Variants in UST observed in about 807,000 individuals in gnomAD.
UST encodes chondroitin sulfate 2-O-sulfotransferase.
UST carries 21 observed loss-of-function variants against 45.6 expected under a neutral mutation model. That is an observed-to-expected ratio of 0.46 (90% CI 0.33 to 0.66). The LOEUF is 0.66. Among genes scored for constraint, UST ranks in the 30% least tolerant of loss-of-function variants. UST has a pLI of 0.02. For missense variants in UST, 463 were observed against 512.4 expected (o/e 0.90, Z 0.93); for synonymous variants, 215 against 200.6 (o/e 1.07, Z -0.61).
chr6:148,891,312 G>T (rs1054980672), intron 2 of UST, among the ~76,000 whole-genome samples: 1 of 152,078 alleles, frequency 6.6e-6, no homozygotes, highest in African/African-American at 2.4e-5. Context: ...AGTTCTGTTG[G>T]TAACAAACAG....
At chr6:148,773,966 C>G (rs1776481706) in intron 1 of UST, among the ~76,000 whole-genome samples, 1 of 152,186 alleles carries the variant, frequency 6.6e-6, no homozygotes, top group Non-Finnish European at 1.5e-5. Flanking sequence ...TCTGTCCTCC[C>G]CGACTTTATA....
At chr6:148,774,986 C>G (rs1197686668) in intron 1 of UST, among the ~76,000 whole-genome samples, 1 of 152,042 alleles carries the variant, frequency 6.6e-6, no homozygotes, top group Non-Finnish European at 1.5e-5. Context: ...CCACTACACT[C>G]CAGCCTGGAG....
chr6:148,852,190 G>A (rs1778120351), intron 1 of UST, among the ~76,000 whole-genome samples: 1 of 152,192 alleles, frequency 6.6e-6, no homozygotes, highest in South Asian at 2.1e-4. Flanking sequence ...GCAAAGCAGA[G>A]TCGGGAACAT....
intron 1 of UST, among the ~76,000 whole-genome samples, chr6:148,796,158 TTG>T (rs1296416347): frequency 1.4e-4 from 21 of 152,198 alleles, no homozygotes; most frequent in East Asian, 5.8e-4. Context: ...AGGATGAGGA[TTG>T]AGATGAGAAG....
chr6:148,984,095 T>C (rs1159250055), intron 5 of UST, among the ~76,000 whole-genome samples: 1 of 152,248 alleles, frequency 6.6e-6, no homozygotes, highest in Non-Finnish European at 1.5e-5. Context: ...CTGATTATTA[T>C]ATACATCATG....
intron 7 of UST, among the ~76,000 whole-genome samples, chr6:149,044,463 G>C (rs540819416): frequency 3.3e-5 from 5 of 152,292 alleles, no homozygotes; most frequent in African/African-American, 1.2e-4. Flanking sequence ...AATGTCAAAT[G>C]ACAGTCTGAA....
At chr6:148,770,454 A>G (rs1776402811) in intron 1 of UST, among the ~76,000 whole-genome samples, 1 of 151,702 alleles carries the variant, frequency 6.6e-6, no homozygotes, top group East Asian at 1.9e-4. Context: ...GGGGAAGGGA[A>G]GAGGGTTGCT....
intron 2 of UST, among the ~76,000 whole-genome samples, chr6:148,898,068 A>G (rs553516672): frequency 4.6e-5 from 7 of 152,318 alleles, no homozygotes; most frequent in African/African-American, 7.2e-5. Flanking sequence ...GGAAGAATCA[A>G]TTGCACTGGG....
intron 1 of UST, among the ~76,000 whole-genome samples, chr6:148,850,440 G>A (rs1177069409): frequency 1.3e-5 from 2 of 152,170 alleles, no homozygotes; most frequent in African/African-American, 4.8e-5. Flanking sequence ...TCTACGGAGA[G>A]CAAACTAATC....
At chr6:148,781,841 C>G (rs1378991366) in intron 1 of UST, among the ~76,000 whole-genome samples, 1 of 152,156 alleles carries the variant, frequency 6.6e-6, no homozygotes, top group Non-Finnish European at 1.5e-5. Context: ...GACAGCATAT[C>G]TGTTTATAGC....
chr6:148,832,339 T>C (rs1777704776), intron 1 of UST, among the ~76,000 whole-genome samples: 1 of 152,250 alleles, frequency 6.6e-6, no homozygotes, highest in Admixed American at 6.5e-5. Flanking sequence ...GAGATCTTTA[T>C]TGAAATCATC....
At chr6:148,941,477 C>A in intron 3 of UST, 43 bp downstream of exon 3, 2 of 1,552,128 alleles carry the variant, frequency 1.3e-6, no homozygotes, top group Non-Finnish European at 8.7e-7. Context: ...TTTGCTTCAG[C>A]TCATTTGTGT....
intron 4 of UST, among the ~76,000 whole-genome samples, chr6:148,963,768 C>T (rs568420870): frequency 4.6e-5 from 7 of 152,304 alleles, no homozygotes; most frequent in African/African-American, 1.4e-4. Context: ...GCCTCAGTTT[C>T]CCCAAGTGTA....
rs370245666 is a variant in UST, at chr6:148,767,189, G to C, written c.247+19512G>C. ...TACCTGTAAACAACAAATATGTCAG[G>C]GTTCAGCTTAGCTCATTAAAGATCT... On this transcript the variant is annotated intron_variant, in intron 1 of 7. Coordinates refer to ENST00000367463, the MANE Select transcript of UST (RefSeq NM_005715.3). Among the ~76,000 whole-genome samples, 6 of 152,118 alleles carry C rather than the reference G, an allele frequency of 3.9e-5. No individual in the cohort carries two copies. The East Asian group carries it at 5.8e-4, about 15-fold the overall frequency.
intron 2 of UST, among the ~76,000 whole-genome samples, chr6:148,921,643 C>A (rs1021935137): frequency 6.6e-6 from 1 of 152,180 alleles, no homozygotes; most frequent in African/African-American, 2.4e-5. Flanking sequence ...GGAGGAGAGA[C>A]CCACCAAGCT....
intron 1 of UST, among the ~76,000 whole-genome samples, chr6:148,884,428 AG>A (rs35122043): frequency 0.33 from 50,813 of 151,990 alleles, 9,564 homozygotes; most frequent in East Asian, 0.5. Context: ...GGGTATTCAG[AG>A]TGGGCATCTA....
chr6:148,922,787 T>C (rs771171797), intron 2 of UST, among the ~76,000 whole-genome samples: 57 of 150,370 alleles, frequency 3.8e-4, no homozygotes, highest in Non-Finnish European at 7.0e-4. Context: ...TTTATTATTA[T>C]TATTATTTTA....
intron 7 of UST, among the ~76,000 whole-genome samples, chr6:149,049,204 A>T (rs927552001): frequency 3.9e-5 from 6 of 152,244 alleles, no homozygotes; most frequent in African/African-American, 1.4e-4. Flanking sequence ...CATAAAAACT[A>T]TTATAAGGAT....
intron 1 of UST, among the ~76,000 whole-genome samples, chr6:148,798,750 G>A (rs1306091726): frequency 6.6e-6 from 1 of 152,200 alleles, no homozygotes; most frequent in African/African-American, 2.4e-5. Context: ...CCCAGAGTCA[G>A]TGCTCATAAA....
Sources: allele counts gnomAD v4.1 joint callset (sites outside exome capture counted in the v4.1 genomes callset), GRCh38; gene constraint gnomAD v4.1.1; transcripts MANE v1.5; gene names NCBI Gene and HGNC (gene_info 2026-07-23, HGNC 2026-07-21).